ITGB5: variants seen among roughly 807,000 people sequenced by gnomAD.
ITGB5 encodes the protein integrin subunit beta 5.
A neutral mutation model predicts 84.8 loss-of-function variants in ITGB5; 38 were observed. That is an observed-to-expected ratio of 0.45 (90% CI 0.35 to 0.59). The LOEUF (loss-of-function observed/expected upper bound fraction) is 0.59. Among genes scored for constraint, ITGB5 ranks in the 20% least tolerant of loss-of-function variants. The pLI is 0.01. For missense variants in ITGB5, 905 were observed against 1,034.5 expected, an observed-to-expected ratio of 0.87 and a Z score of 1.72; for synonymous variants, 393 against 414.4, an observed-to-expected ratio of 0.95 and a Z score of 0.63.
intron 9 of ITGB5, among the ~76,000 whole-genome samples, chr3:124,797,192 T>G (rs1016823816): frequency 2.0e-5 from 3 of 152,230 alleles, no homozygotes; most frequent in Non-Finnish European, 4.4e-5. Context: ...CCGCTGCAGA[T>G]GCCTCTTCTC....
At chr3:124,892,414 G>T (rs1935018369), upstream of ITGB5, among the ~76,000 whole-genome samples, 1 of 151,398 alleles carries the variant, frequency 6.6e-6, no homozygotes, top group Admixed American at 6.6e-5. Flanking sequence ...GCCAGGTGTG[G>T]TCGCTCACAC....
Position 124,773,830 on chromosome 3 carries a change from G to A in ITGB5, c.1776C>T (p.Ser592=), listed in dbSNP as rs1355843560. 3.7e-6 allele frequency: 6 copies of A among 1,614,128 alleles called. No individual in the cohort carries two copies. The highest frequency in any genetic ancestry group is 2.2e-5 in the East Asian group (1 of 44,888). Reference sequence around the variant, plus strand: ...TCTGGCCATCTCTGCCCCGGCATGTGCTGATGTCTGTCGAGCAGTTACAGT... The same window carrying A: ...TCTGGCCATCTCTGCCCCGGCATGTACTGATGTCTGTCGAGCAGTTACAGT... ...GDNCNCSTDI[S]TCRGRDGQIC... The change falls in exon 11 of 15, where the codon AGC becomes AGT. Residue 592 remains serine, a synonymous_variant. Coordinates refer to ENST00000296181, the MANE Select transcript of ITGB5 (RefSeq NM_002213.5).
intron 1 of ITGB5, among the ~76,000 whole-genome samples, chr3:124,897,009 C>T (rs1669704889): frequency 6.6e-6 from 1 of 152,040 alleles, no homozygotes; most frequent in Admixed American, 6.6e-5. Flanking sequence ...GACCAGGAAT[C>T]AGATTGCACA....
chr3:124,821,179 A>G (rs2064695825), intron 6 of ITGB5, 134 bp downstream of exon 6: 4 of 964,716 alleles, frequency 4.1e-6, no homozygotes, highest in Non-Finnish European at 6.1e-6. Flanking sequence ...ATGAAACCCA[A>G]CCCCAAGAAG....
chr3:124,832,038 C>T (rs969797149), intron 5 of ITGB5, among the ~76,000 whole-genome samples: 2 of 152,308 alleles, frequency 1.3e-5, no homozygotes, highest in South Asian at 4.2e-4. Context: ...CCAGTGGCCT[C>T]CCTGGAAAAT....
intron 5 of ITGB5, among the ~76,000 whole-genome samples, chr3:124,828,673 A>G (rs1432887727): frequency 6.6e-6 from 1 of 152,258 alleles, no homozygotes; most frequent in Non-Finnish European, 1.5e-5. Flanking sequence ...CTCATTGTAC[A>G]TCAATTATAC....
At chr3:124,883,336 G>A (rs566510638) in intron 1 of ITGB5, among the ~76,000 whole-genome samples, 1 of 152,276 alleles carries the variant, frequency 6.6e-6, no homozygotes, top group South Asian at 2.1e-4. Flanking sequence ...AGAACAAGCA[G>A]GCGGGGAATA....
At chr3:124,800,964 C>T (rs1158412545) in intron 9 of ITGB5, among the ~76,000 whole-genome samples, 1 of 152,192 alleles carries the variant, frequency 6.6e-6, no homozygotes, top group Non-Finnish European at 1.5e-5. Flanking sequence ...TTGGGATTCT[C>T]CTGGTTCCCC....
intron 3 of ITGB5, among the ~76,000 whole-genome samples, chr3:124,855,158 C>A (rs1192339177): frequency 6.6e-6 from 1 of 152,036 alleles, no homozygotes; most frequent in Non-Finnish European, 1.5e-5. Context: ...ACTAAAAATA[C>A]AAAAATTAGC....
At chr3:124,899,484 A>C in intron 1 of ITGB5, among the ~76,000 whole-genome samples, 1 of 152,126 alleles carries the variant, frequency 6.6e-6, no homozygotes, top group East Asian at 1.9e-4. Flanking sequence ...ACAGCTGATT[A>C]GAGAATGGAG....
intron 8 of ITGB5, among the ~76,000 whole-genome samples, chr3:124,813,076 G>C (rs182033190): frequency 7.7e-4 from 118 of 152,296 alleles, no homozygotes; most frequent in Admixed American, 2.4e-3. Flanking sequence ...GGTGAAAGGA[G>C]AGCAGAGCTG....
intron 9 of ITGB5, among the ~76,000 whole-genome samples, chr3:124,803,802 T>C (rs956171112): frequency 6.6e-6 from 1 of 152,124 alleles, no homozygotes; most frequent in Admixed American, 6.5e-5. Flanking sequence ...TAGAATAGAA[T>C]CGTGGGCACC....
intron 9 of ITGB5, among the ~76,000 whole-genome samples, chr3:124,806,627 C>T (rs1343608568): frequency 2.6e-5 from 4 of 151,352 alleles, no homozygotes; most frequent in Admixed American, 6.6e-5. Context: ...TTAGTAGAGA[C>T]GGGGTTTCAC....
chr3:124,796,249 G>T (rs1025510191), intron 10 of ITGB5, 139 bp downstream of exon 10: 1 of 788,032 alleles, frequency 1.3e-6, no homozygotes, highest in Non-Finnish European at 2.1e-6. Flanking sequence ...GGGTAGCAAG[G>T]CTTGCCCACT....
chr3:124,880,276 T>C (rs1934508930), intron 1 of ITGB5, among the ~76,000 whole-genome samples: 1 of 152,116 alleles, frequency 6.6e-6, no homozygotes. Flanking sequence ...ACTAAAGAAA[T>C]CTAAACTGAT....
chr3:124,850,823 G>C (rs2065142008), intron 3 of ITGB5, among the ~76,000 whole-genome samples: 1 of 152,118 alleles, frequency 6.6e-6, no homozygotes, highest in South Asian at 2.1e-4. Context: ...GACACAGCTT[G>C]TCCCGCCAGA....
At chr3:124,828,610 G>C (rs1489773480) in intron 5 of ITGB5, among the ~76,000 whole-genome samples, 2 of 152,206 alleles carry the variant, frequency 1.3e-5, no homozygotes, top group African/African-American at 4.8e-5. Context: ...TTGCTTTCGT[G>C]AGTGTACATA....
intron 1 of ITGB5, among the ~76,000 whole-genome samples, chr3:124,884,734 C>T (rs1934726180): frequency 6.6e-6 from 1 of 151,980 alleles, no homozygotes; most frequent in Non-Finnish European, 1.5e-5. Context: ...AAACAGGACC[C>T]CAAAAGAGTT....
intron 12 of ITGB5, among the ~76,000 whole-genome samples, chr3:124,768,599 C>T (rs1029627775): frequency 6.6e-6 from 1 of 152,228 alleles, no homozygotes; most frequent in African/African-American, 2.4e-5. Context: ...TCAATAGTGT[C>T]CACTGTATAG....
Sources: allele counts gnomAD v4.1 joint callset (sites outside exome capture counted in the v4.1 genomes callset), GRCh38; gene constraint gnomAD v4.1.1; transcripts MANE v1.5; gene names NCBI Gene and HGNC (gene_info 2026-07-23, HGNC 2026-07-21).